MAML3: variants seen among roughly 807,000 people sequenced by gnomAD.
The protein encoded by MAML3 is mastermind-like protein 3.
Under a neutral mutation model 101.9 loss-of-function variants are expected in MAML3, and 27 were observed. The observed-to-expected ratio is 0.27, with a 90% CI of 0.20 to 0.37. The LOEUF (loss-of-function observed/expected upper bound fraction) is 0.37, where lower values mean the gene tolerates loss of function less well. Ranked by LOEUF, MAML3 falls within the 10% of genes least tolerant of loss-of-function variation. MAML3 has a pLI of 1.00. For synonymous variants in MAML3, 501 were observed against 555.9 expected (o/e 0.90, Z 1.39); for missense variants, 1,316 against 1,444.9 (o/e 0.91, Z 1.45).
intron 2 of MAML3, among the ~76,000 whole-genome samples, chr4:139,748,541 T>C (rs972536222): frequency 1.3e-5 from 2 of 152,150 alleles, no homozygotes; most frequent in Non-Finnish European, 2.9e-5. Context: ...AGCAGGAGGC[T>C]GCTGGGGAAA....
At chr4:139,935,643 GTT>G (rs139159033) in intron 1 of MAML3, among the ~76,000 whole-genome samples, 48,364 of 137,606 alleles carry the variant, frequency 0.35, 8,973 homozygotes, top group African/African-American at 0.53. Flanking sequence ...GGGTTTTTTT[GTT>G]TTTTTTTTTT....
At position 139,832,153 on chromosome 4, in the gene MAML3, G is replaced by A. The variant is rs559861865; in HGVS notation, c.2079+57204C>T. Among the ~76,000 whole-genome samples, 25 of 132,142 alleles carry A rather than the reference G, an allele frequency of 1.9e-4. No homozygotes were observed. In the Admixed American group the frequency reaches 2.1e-3, roughly 11 times the overall value. The allele number at this position is 132,142 out of a possible 152,430, so 86.7% of individuals were successfully genotyped here. ...AGAGTCTTTCTCTGTTACTCAGGCT[G>A]GAGTGCGGTGGGGCCACCTTGGCTC... On this transcript the variant is annotated intron_variant, in intron 2 of 4. Transcript: ENST00000509479.
chr4:139,987,319 G>A (rs946488947), intron 1 of MAML3, among the ~76,000 whole-genome samples: 1 of 152,144 alleles, frequency 6.6e-6, no homozygotes, highest in Non-Finnish European at 1.5e-5. Context: ...AAAATGACTG[G>A]GCAGAGGCCA....
At position 139,785,503 on chromosome 4, in the gene MAML3, C is replaced by G. The variant is rs534205671; in HGVS notation, c.2080-54836G>C. On this transcript the variant is annotated intron_variant, in intron 2 of 4. Coordinates refer to ENST00000509479, the MANE Select transcript of MAML3 (RefSeq NM_018717.5). The surrounding 1 kb of genome is among the most constrained non-coding windows in gnomAD (Gnocchi z 4.3). ...TTATTTTTGTACGGAATGTGGTGAT[C>G]CCCACTGGCAGGAACAGGTTGCATG... Among the ~76,000 whole-genome samples the G allele has an allele frequency of 2.2e-4, 33 of 152,202 alleles. No homozygotes were observed. The highest frequency in any genetic ancestry group is 7.0e-4 in the African/African-American group (29 of 41,516).
chr4:139,918,185 T>C (rs751886385), intron 1 of MAML3, among the ~76,000 whole-genome samples: 12 of 152,256 alleles, frequency 7.9e-5, no homozygotes, highest in Non-Finnish European at 1.2e-4. Flanking sequence ...TCCACCAGCA[T>C]CCAGAGTCAC....
intron 2 of MAML3, among the ~76,000 whole-genome samples, chr4:139,756,673 A>G (rs1461095912): frequency 2.0e-5 from 3 of 152,176 alleles, no homozygotes; most frequent in African/African-American, 7.2e-5. Flanking sequence ...CTCTTTGCTC[A>G]CTGCACCTTC....
chr4:139,842,747 A>C lies in MAML3; in HGVS notation c.2079+46610T>G, dbSNP rs914088805. 4.0e-5 allele frequency among the ~76,000 whole-genome samples: 5 copies of C among 124,184 alleles called. 1 individual carries two copies. The highest frequency in any genetic ancestry group is 2.0e-4 in the Admixed American group (2 of 10,118). The allele number at this position is 124,184 out of a possible 152,430, so 81.5% of individuals were successfully genotyped here. Reference sequence around the variant, plus strand: ...TGGTCAGGCTCGAACTCCTGGCCTCAAGTTATCCGCTTGCCTTTTTTTTTT... The same window carrying C: ...TGGTCAGGCTCGAACTCCTGGCCTCCAGTTATCCGCTTGCCTTTTTTTTTT... On this transcript the variant is annotated intron_variant, in intron 2 of 4. Transcript: ENST00000509479.
chr4:140,064,597 G>A (rs1281786052), intron 1 of MAML3, among the ~76,000 whole-genome samples: 3 of 152,130 alleles, frequency 2.0e-5, no homozygotes, highest in African/African-American at 7.2e-5. Context: ...ATCCAGCTTG[G>A]GCTTCTAGTT....
intron 1 of MAML3, among the ~76,000 whole-genome samples, chr4:139,906,332 G>A (rs191405040): frequency 3.0e-4 from 45 of 152,338 alleles, no homozygotes; most frequent in African/African-American, 1.0e-3. Flanking sequence ...TATTAGCAAA[G>A]AAGTATAGTC....
intron 1 of MAML3, among the ~76,000 whole-genome samples, chr4:140,056,174 T>C (rs1001352563): frequency 2.6e-5 from 4 of 152,170 alleles, no homozygotes; most frequent in South Asian, 2.1e-4. Context: ...CCATGCGGCA[T>C]GGCTCCTGCT....
At chr4:140,038,945 C>T (rs1356156033) in intron 1 of MAML3, among the ~76,000 whole-genome samples, 1 of 151,988 alleles carries the variant, frequency 6.6e-6, no homozygotes, top group Non-Finnish European at 1.5e-5. Context: ...TCCTGGCTAA[C>T]ACGGGCTACT....
At chr4:139,941,542 T>G (rs10030963) in intron 1 of MAML3, among the ~76,000 whole-genome samples, 5,436 of 115,354 alleles carry the variant, frequency 0.047, 90 homozygotes, top group Non-Finnish European at 0.058. Context: ...GTTGTTGTTG[T>G]TGGTGGTGGT....
intron 1 of MAML3, among the ~76,000 whole-genome samples, chr4:139,952,585 G>C (rs2110760530): frequency 6.6e-6 from 1 of 152,242 alleles, no homozygotes; most frequent in East Asian, 1.9e-4. Flanking sequence ...AGTACATTTG[G>C]GGGGAATAAA....
chr4:139,934,462 A>G (rs989071787), intron 1 of MAML3, among the ~76,000 whole-genome samples: 1 of 152,122 alleles, frequency 6.6e-6, no homozygotes, highest in Non-Finnish European at 1.5e-5. Context: ...AACAACCCTG[A>G]CCCGAGTTTT....
intron 1 of MAML3, among the ~76,000 whole-genome samples, chr4:140,015,308 G>T (rs1726624399): frequency 6.6e-6 from 1 of 152,124 alleles, no homozygotes; most frequent in African/African-American, 2.4e-5. Context: ...TCAATAAAAA[G>T]GATGTCTATC....
intron 2 of MAML3, among the ~76,000 whole-genome samples, chr4:139,877,313 T>C (rs979366566): frequency 1.3e-5 from 2 of 151,888 alleles, no homozygotes; most frequent in African/African-American, 4.8e-5. Flanking sequence ...TAATAGAGTA[T>C]CTTTGTATAG....
intron 4 of MAML3, among the ~76,000 whole-genome samples, chr4:139,721,118 A>G (rs144785638): frequency 2.8e-4 from 42 of 152,368 alleles, no homozygotes; most frequent in African/African-American, 9.9e-4. Context: ...TCTACAGCAA[A>G]GTCCATTCCT....
intron 1 of MAML3, among the ~76,000 whole-genome samples, chr4:139,962,877 G>T (rs1376210258): frequency 1.3e-5 from 2 of 150,914 alleles, no homozygotes; most frequent in East Asian, 3.9e-4. Context: ...GTTACATGGG[G>T]GAATGCCTTG....
intron 1 of MAML3, among the ~76,000 whole-genome samples, chr4:140,152,232 C>G (rs1729185741): frequency 6.6e-6 from 1 of 152,234 alleles, no homozygotes; most frequent in Admixed American, 6.5e-5. Flanking sequence ...GCCACCCTCG[C>G]TCGTTTCTCA....
Sources: allele counts gnomAD v4.1 joint callset (sites outside exome capture counted in the v4.1 genomes callset), GRCh38; gene constraint gnomAD v4.1.1; non-coding constraint Gnocchi (gnomAD v3.1); transcripts MANE v1.5; gene names NCBI Gene and HGNC (gene_info 2026-07-23, HGNC 2026-07-21).